FLVCR2: variants seen among roughly 807,000 people sequenced by gnomAD.
The protein encoded by FLVCR2 is FLVCR choline and putative heme transporter 2, also known as choline/ethanolamine transporter FLVCR2.
Under a neutral mutation model 48.9 loss-of-function variants are expected in FLVCR2, and 38 were observed. That is an observed-to-expected ratio of 0.78 (90% CI 0.60 to 1.02). The LOEUF (loss-of-function observed/expected upper bound fraction) is 1.02. Among genes scored for constraint, FLVCR2 ranks in the 50% least tolerant of loss-of-function variants. FLVCR2 has a pLI of 0.00. For missense variants in FLVCR2, 664 were observed against 663.3 expected (o/e 1.00, Z -0.01); for synonymous variants, 255 against 257.0 (o/e 0.99, Z 0.07).
At chr14:75,622,262 G>A in intron 2 of FLVCR2, 42 bp downstream of exon 2, 1 of 1,603,506 alleles carries the variant, frequency 6.2e-7, no homozygotes, top group Non-Finnish European at 8.5e-7. Context: ...GGGGGCGAAG[G>A]GGCAGGGAGA....
At chr14:75,626,013 C>T (rs1166854723) in intron 3 of FLVCR2, among the ~76,000 whole-genome samples, 2 of 151,430 alleles carry the variant, frequency 1.3e-5, no homozygotes, top group African/African-American at 4.9e-5. Context: ...TTTTTTAAGA[C>T]AGAGTTTGCC....
At chr14:75,610,295 C>G (rs767987184) in intron 1 of FLVCR2, among the ~76,000 whole-genome samples, 5 of 152,116 alleles carry the variant, frequency 3.3e-5, no homozygotes, top group Non-Finnish European at 5.9e-5. Flanking sequence ...CTAGGCTGGC[C>G]CTTTGTGGAG....
rs556334211 is a variant in FLVCR2, at chr14:75,613,653, C to T, written c.670-8426C>T. Among the ~76,000 whole-genome samples, 25 of 152,204 alleles carry T rather than the reference C, an allele frequency of 1.6e-4. No homozygotes were observed. The East Asian group carries it at 2.1e-3, about 13-fold the overall frequency. Reference sequence around the variant, plus strand: ...GCAACCTCTGCCTCCCGGGTTCAAGCGATTCTCCTGCCTCAGCCTCTCGAG... The same window carrying T: ...GCAACCTCTGCCTCCCGGGTTCAAGTGATTCTCCTGCCTCAGCCTCTCGAG... On this transcript the variant is annotated intron_variant, in intron 1 of 9. Transcript: ENST00000238667.
chr14:75,627,341 AT>A (rs1475979875), intron 3 of FLVCR2, among the ~76,000 whole-genome samples: 11 of 152,236 alleles, frequency 7.2e-5, no homozygotes, highest in Admixed American at 6.5e-4. Flanking sequence ...AAATATCCAA[AT>A]GAATTTTTTC....
At chr14:75,637,430 A>G (rs898059265) in intron 5 of FLVCR2, among the ~76,000 whole-genome samples, 1 of 152,230 alleles carries the variant, frequency 6.6e-6, no homozygotes, top group African/African-American at 2.4e-5. Context: ...TGTAAAGAAA[A>G]GCTTTAAAGA....
rs774200005 is a variant in FLVCR2, at chr14:75,641,305, C to A, written c.1453+12C>A. 6.3e-7 allele frequency: 1 copy of A among 1,593,048 alleles called. No individual in the cohort carries two copies. Among genetic ancestry groups the A allele is most frequent in the Non-Finnish European group, 8.6e-7 (1 of 1,161,092 alleles). The stretch of plus-strand genomic sequence containing the variant: ...AGCAGCCCTCACTGGTGAGTTGGAG[C>A]CTGAGGGCAAGATGAGGCTCAGGTT... On this transcript the variant is annotated intron_variant, in intron 8 of 9. Transcript: ENST00000238667.
chr14:75,637,261 G>A (rs111988917), intron 5 of FLVCR2, among the ~76,000 whole-genome samples: 1,817 of 152,334 alleles, frequency 0.012, 46 homozygotes, highest in African/African-American at 0.042. Context: ...GAAATCATCA[G>A]ATATTTCTTA....
Position 75,584,409 on chromosome 14 carries a change from A to G in FLVCR2, c.669+4768A>G, listed in dbSNP as rs1188651451. Among the ~76,000 whole-genome samples the G allele has an allele frequency of 4.7e-5, 3 of 63,262 alleles. No individual in the cohort carries two copies. The Admixed American group carries it at 6.0e-4, about 13-fold the overall frequency. 41.5% of individuals were successfully genotyped at this position (63,262 alleles called of 152,430 possible). A position where few individuals can be genotyped will look rare whatever the true frequency, so the allele number is the denominator to read the frequency against. Reference sequence around the variant, plus strand: ...GAGCTGACTGGGTGATAAAATGCATATTGAGAATAAGGCGCCTTCCGGCCC... The same window carrying G: ...GAGCTGACTGGGTGATAAAATGCATGTTGAGAATAAGGCGCCTTCCGGCCC... On this transcript the variant is annotated intron_variant, in intron 1 of 9. Transcript: ENST00000238667.
chr14:75,611,061 T>C (rs778461805), intron 1 of FLVCR2, among the ~76,000 whole-genome samples: 2 of 152,174 alleles, frequency 1.3e-5, no homozygotes, highest in Admixed American at 1.3e-4. Context: ...CATGAGCAAA[T>C]GTGAGTCAAT....
intron 3 of FLVCR2, among the ~76,000 whole-genome samples, chr14:75,633,118 G>A (rs1474148931): frequency 6.6e-6 from 1 of 152,230 alleles, no homozygotes; most frequent in East Asian, 1.9e-4. Flanking sequence ...CTAGTTTCAT[G>A]TAATAGATTT....
At chr14:75,644,015 G>A (rs1890360337) in intron 9 of FLVCR2, among the ~76,000 whole-genome samples, 1 of 149,302 alleles carries the variant, frequency 6.7e-6, no homozygotes, top group African/African-American at 2.5e-5. Flanking sequence ...TCCAGCCTGG[G>A]TGACAGAGCA....
At chr14:75,637,064 T>G (rs1214277509) in intron 5 of FLVCR2, among the ~76,000 whole-genome samples, 1 of 152,182 alleles carries the variant, frequency 6.6e-6, no homozygotes, top group Non-Finnish European at 1.5e-5. Flanking sequence ...CTTTGGAGAC[T>G]CTGACCTTGA....
intron 1 of FLVCR2, among the ~76,000 whole-genome samples, chr14:75,614,244 C>A (rs1390240152): frequency 2.6e-5 from 4 of 152,212 alleles, no homozygotes; most frequent in African/African-American, 7.2e-5. Flanking sequence ...TCTCTGAGAA[C>A]CTTGTCTAGA....
chr14:75,579,676 G>A (rs772368442), intron 1 of FLVCR2, 35 bp downstream of exon 1: 11 of 1,608,176 alleles, frequency 6.8e-6, no homozygotes, highest in Admixed American at 5.0e-5. Flanking sequence ...TCCCAGGGGC[G>A]TGTGTTAGAT....
At chr14:75,635,780 G>C (rs551729639) in intron 5 of FLVCR2, among the ~76,000 whole-genome samples, 1 of 152,118 alleles carries the variant, frequency 6.6e-6, no homozygotes, top group Non-Finnish European at 1.5e-5. Context: ...TAGAAGGATC[G>C]CTTGACCCAG....
chr14:75,641,092 C>T (rs1555377812), intron 7 of FLVCR2, 32 bp downstream of exon 7: 11 of 1,587,634 alleles, frequency 6.9e-6, no homozygotes, highest in Non-Finnish European at 8.7e-6. Context: ...TGTTTCCTGG[C>T]TGGGAAGGCA....
chr14:75,625,237 T>C (rs1889868588), intron 3 of FLVCR2, among the ~76,000 whole-genome samples: 1 of 149,768 alleles, frequency 6.7e-6, no homozygotes, highest in African/African-American at 2.6e-5. Context: ...TGCATGCATA[T>C]ATGTGTCTTG....
intron 5 of FLVCR2, among the ~76,000 whole-genome samples, chr14:75,636,157 G>T (rs1368463030): frequency 6.6e-6 from 1 of 152,088 alleles, no homozygotes; most frequent in Non-Finnish European, 1.5e-5. Flanking sequence ...GTCCCCGGCT[G>T]CTCTGTCAAG....
chr14:75,626,869 G>A (rs535025251), intron 3 of FLVCR2, among the ~76,000 whole-genome samples: 1 of 151,890 alleles, frequency 6.6e-6, no homozygotes, highest in Non-Finnish European at 1.5e-5. Context: ...CTAACAAGAG[G>A]ATATTTGAGG....
Sources: allele counts gnomAD v4.1 joint callset (sites outside exome capture counted in the v4.1 genomes callset), GRCh38; gene constraint gnomAD v4.1.1; transcripts MANE v1.5; gene names NCBI Gene and HGNC (gene_info 2026-07-23, HGNC 2026-07-21).